The following PHLPP1 variants were observed in gnomAD, a reference collection of about 807,000 sequenced individuals.
The protein encoded by PHLPP1 is PH domain leucine-rich repeat-containing protein phosphatase 1.
A neutral mutation model predicts 117.2 loss-of-function variants in PHLPP1; 42 were observed. The ratio of observed to expected loss-of-function variants is 0.36; its 90% CI spans 0.28 to 0.46. PHLPP1 has a LOEUF of 0.46. PHLPP1 is among the 20% of genes least tolerant of loss of function. PHLPP1 has a pLI of 1.00. For missense variants in PHLPP1, 2,084 were observed against 2,241.9 expected, an observed-to-expected ratio of 0.93 and a Z score of 1.42; for synonymous variants, 1,042 against 970.7, an observed-to-expected ratio of 1.07 and a Z score of -1.37.
intron 2 of PHLPP1, among the ~76,000 whole-genome samples, chr18:62,834,389 TG>T (rs1914834808): frequency 6.6e-6 from 1 of 152,138 alleles, no homozygotes; most frequent in South Asian, 2.1e-4. Context: ...GGGACACTCT[TG>T]GCATTTAAAG....
rs757561972 is a variant in PHLPP1 at position 62,860,512 on chromosome 18, C to T, written c.1977C>T (p.Ser659=). ...LEHLPANLFY[S]QDLTHLNLKQ... is the part of the protein sequence containing the mutation. ...ATCTGCCTGCCAACCTCTTCTACAG[C>T]CAAGACCTCACTCATCTCAATTTAA... The change falls in exon 4 of 17, where the codon AGC becomes AGT. Residue 659 remains serine, a synonymous_variant. Coordinates refer to ENST00000262719, the MANE Select transcript of PHLPP1 (RefSeq NM_194449.4). The T allele has an allele frequency of 3.9e-5, 63 of 1,613,670 alleles. No homozygotes were observed. The highest frequency in any genetic ancestry group is 5.3e-5 in the Non-Finnish European group (62 of 1,179,748).
intron 1 of PHLPP1, among the ~76,000 whole-genome samples, chr18:62,758,428 A>G (rs1912099377): frequency 6.6e-6 from 1 of 152,208 alleles, no homozygotes; most frequent in South Asian, 2.1e-4. Flanking sequence ...TGCTCAACCC[A>G]TGCTGTTATG....
Position 62,905,322 on chromosome 18 carries a change from A to G in PHLPP1, c.2708+38A>G, listed in dbSNP as rs751814828. The G allele has an allele frequency of 7.9e-6, 9 of 1,133,162 alleles. 1 individual carries two copies. Among genetic ancestry groups the G allele is most frequent in the South Asian group, 4.9e-5 (2 of 41,066 alleles). The allele number at this position is 1,133,162 out of a possible 1,614,324, so 70.2% of individuals were successfully genotyped here. ...GTCTTAGAGCCCTCTAGAGTCTACT[A>G]GAAAATTATTTAGTAATTCTGTCTG... On this transcript the variant is annotated intron_variant, in intron 8 of 16. Coordinates refer to ENST00000262719, the MANE Select transcript of PHLPP1 (RefSeq NM_194449.4).
At chr18:62,772,380 G>T (rs1402831265) in intron 1 of PHLPP1, among the ~76,000 whole-genome samples, 1 of 151,844 alleles carries the variant, frequency 6.6e-6, no homozygotes, top group Non-Finnish European at 1.5e-5. Context: ...TAATTGATGT[G>T]TAATAGTGAA....
At position 62,868,027 on chromosome 18, in the gene PHLPP1, G is replaced by A. The variant is rs142023848; in HGVS notation, c.2066+7426G>A. ...AGGTTTCACTGTTTTAGCCAGGATGGTCTCGATCTTCTGACCTTGTGATCC... is the reference window on the plus strand; with the variant it reads ...AGGTTTCACTGTTTTAGCCAGGATGATCTCGATCTTCTGACCTTGTGATCC... On this transcript the variant is annotated intron_variant, in intron 4 of 16. Transcript: ENST00000262719. Among the ~76,000 whole-genome samples the A allele has an allele frequency of 3.2e-3, 489 of 152,176 alleles. 2 individuals are homozygous for A. The highest frequency in any genetic ancestry group is 0.011 in the African/African-American group (461 of 41,520).
At chr18:62,822,936 T>C (rs1914510270) in intron 1 of PHLPP1, among the ~76,000 whole-genome samples, 1 of 152,186 alleles carries the variant, frequency 6.6e-6, no homozygotes, top group South Asian at 2.1e-4. Context: ...ACAATTGATG[T>C]AGCCTTTTGC....
intron 10 of PHLPP1, among the ~76,000 whole-genome samples, chr18:62,939,368 A>C (rs964346549): frequency 6.6e-6 from 1 of 152,140 alleles, no homozygotes; most frequent in South Asian, 2.1e-4. Flanking sequence ...AGGGCAATAA[A>C]ATTTATTTCT....
chr18:62,771,965 G>A (rs919641239), intron 1 of PHLPP1, among the ~76,000 whole-genome samples: 1 of 152,162 alleles, frequency 6.6e-6, no homozygotes, highest in Non-Finnish European at 1.5e-5. Context: ...CTGTATTAGG[G>A]ACATTCAGCC....
intron 1 of PHLPP1, among the ~76,000 whole-genome samples, chr18:62,736,662 T>C (rs114481827): frequency 0.034 from 5,103 of 152,278 alleles, 264 homozygotes; most frequent in African/African-American, 0.12. Context: ...GTATTTACAA[T>C]TTAACATTGA....
chr18:62,884,221 T>C (rs1916231149), intron 4 of PHLPP1, among the ~76,000 whole-genome samples: 1 of 152,184 alleles, frequency 6.6e-6, no homozygotes, highest in African/African-American at 2.4e-5. Context: ...TGGTATAATC[T>C]GATTCAAAAA....
chr18:62,917,995 A>G (rs947463596), intron 9 of PHLPP1, among the ~76,000 whole-genome samples: 1 of 152,106 alleles, frequency 6.6e-6, no homozygotes, highest in Non-Finnish European at 1.5e-5. Context: ...AACTGAGGTC[A>G]GGAGTTCAAG....
At chr18:62,783,521 C>A (rs562266030) in intron 1 of PHLPP1, among the ~76,000 whole-genome samples, 2 of 151,822 alleles carry the variant, frequency 1.3e-5, no homozygotes, top group African/African-American at 4.8e-5. Context: ...AGCCACCACA[C>A]CCAGCCCACA....
chr18:62,896,019 T>C lies in PHLPP1; in HGVS notation c.2444+8T>C, dbSNP rs1422900318. ...TAAACATGTGGATCTAAGGTAACCA[T>C]TTTTGAGAAATAGATCTCATTTGAG... On this transcript the variant is annotated splice_region_variant and intron_variant, in intron 6 of 16. Coordinates refer to ENST00000262719, the MANE Select transcript of PHLPP1 (RefSeq NM_194449.4). 2 of 1,551,394 alleles carry C rather than the reference T, an allele frequency of 1.3e-6. No individual in the cohort carries two copies. Among genetic ancestry groups the C allele is most frequent in the East Asian group, 4.5e-5 (2 of 44,540 alleles).
At chr18:62,789,107 A>G (rs1362790127) in intron 1 of PHLPP1, among the ~76,000 whole-genome samples, 1 of 152,188 alleles carries the variant, frequency 6.6e-6, no homozygotes, top group African/African-American at 2.4e-5. Flanking sequence ...GGCAGGGAGA[A>G]CCACACTGAT....
At chr18:62,976,030 T>C (rs1352131895) in intron 16 of PHLPP1, among the ~76,000 whole-genome samples, 1 of 152,246 alleles carries the variant, frequency 6.6e-6, no homozygotes, top group East Asian at 1.9e-4. Flanking sequence ...ATCATGCATC[T>C]GTCCTATCTT....
chr18:62,739,981 A>G (rs191675200), intron 1 of PHLPP1, among the ~76,000 whole-genome samples: 273 of 152,306 alleles, frequency 1.8e-3, no homozygotes, highest in African/African-American at 6.4e-3. Flanking sequence ...TCCTTGGGCC[A>G]TCCTAAAGCA....
intron 3 of PHLPP1, among the ~76,000 whole-genome samples, chr18:62,848,756 G>A (rs578167718): frequency 3.2e-4 from 49 of 152,240 alleles, no homozygotes; most frequent in Admixed American, 2.9e-3. Flanking sequence ...AAGCTACTGC[G>A]CCCAGCCTGT....
intron 4 of PHLPP1, among the ~76,000 whole-genome samples, chr18:62,873,210 T>G (rs1217264230): frequency 6.6e-6 from 1 of 152,166 alleles, no homozygotes; most frequent in Non-Finnish European, 1.5e-5. Context: ...AAGTAAAGTT[T>G]GATAGTAATA....
chr18:62,964,037 T>C (rs560004720), intron 14 of PHLPP1, among the ~76,000 whole-genome samples: 1 of 152,194 alleles, frequency 6.6e-6, no homozygotes, highest in South Asian at 2.1e-4. Flanking sequence ...CTCTCTTAGA[T>C]ACAGATATTG....
Sources: gnomAD v4.1 joint callset for allele counts (sites outside exome capture counted in the v4.1 genomes callset) on GRCh38, gnomAD v4.1.1 for gene constraint, MANE v1.5 for transcripts, NCBI Gene and HGNC (gene_info 2026-07-23, HGNC 2026-07-21) for gene names.